CDH4: variants seen among roughly 807,000 people sequenced by gnomAD.
The protein encoded by CDH4 is cadherin 4.
Under a neutral mutation model 86.0 loss-of-function variants are expected in CDH4, and 33 were observed. The observed-to-expected ratio is 0.38, with a 90% CI of 0.29 to 0.51. CDH4 has a LOEUF of 0.51. CDH4 is among the 20% of genes least tolerant of loss of function. The pLI is 0.86. For synonymous variants in CDH4, 555 were observed against 549.4 expected, an observed-to-expected ratio of 1.01 and a Z score of -0.14; for missense variants, 1,114 against 1,307.4, an observed-to-expected ratio of 0.85 and a Z score of 2.28.
intron 2 of CDH4, among the ~76,000 whole-genome samples, chr20:61,398,977 A>G (rs1028412839): frequency 1.3e-5 from 2 of 152,190 alleles, no homozygotes; most frequent in Non-Finnish European, 2.9e-5. Context: ...ATGCTGATGT[A>G]GGTTAAATGC....
At chr20:61,828,223 A>C (rs1981413489) in intron 4 of CDH4, among the ~76,000 whole-genome samples, 1 of 152,204 alleles carries the variant, frequency 6.6e-6, no homozygotes, top group African/African-American at 2.4e-5. Context: ...GACAGTGGCA[A>C]CGAGAGAGAC....
chr20:61,782,611 C>T (rs935067646), intron 4 of CDH4, among the ~76,000 whole-genome samples: 4 of 152,010 alleles, frequency 2.6e-5, no homozygotes, highest in African/African-American at 9.7e-5. Flanking sequence ...ATAAATATGA[C>T]AACAGTAGGA....
intron 2 of CDH4, among the ~76,000 whole-genome samples, chr20:61,600,902 G>C (rs1260837243): frequency 6.6e-6 from 1 of 151,992 alleles, no homozygotes; most frequent in Non-Finnish European, 1.5e-5. Flanking sequence ...AAAGCCAGCT[G>C]TATCTTACCA....
At chr20:61,842,038 G>A (rs1982202681) in intron 4 of CDH4, among the ~76,000 whole-genome samples, 1 of 152,224 alleles carries the variant, frequency 6.6e-6, no homozygotes, top group Admixed American at 6.5e-5. Flanking sequence ...CCATCAGGCT[G>A]AATTCTCTAT....
chr20:61,869,604 C>T (rs1241255319), intron 6 of CDH4, among the ~76,000 whole-genome samples: 2 of 152,228 alleles, frequency 1.3e-5, no homozygotes, highest in Non-Finnish European at 2.9e-5. Context: ...TTTCCAGCCT[C>T]CCGCTGACTT....
intron 2 of CDH4, among the ~76,000 whole-genome samples, chr20:61,665,521 C>A (rs1368607043): frequency 6.6e-6 from 1 of 152,210 alleles, no homozygotes; most frequent in South Asian, 2.1e-4. Context: ...CTGGGTTCTC[C>A]CTTTTCGGAG....
intron 2 of CDH4, among the ~76,000 whole-genome samples, chr20:61,443,763 GTA>G (rs908427345): frequency 2.0e-5 from 3 of 152,068 alleles, no homozygotes; most frequent in African/African-American, 2.4e-5. Flanking sequence ...GCTTGGCTCT[GTA>G]TGTGTGTGTG....
At chr20:61,900,777 C>T (rs1451923258) in intron 8 of CDH4, among the ~76,000 whole-genome samples, 2 of 152,222 alleles carry the variant, frequency 1.3e-5, no homozygotes, top group Non-Finnish European at 2.9e-5. Context: ...TCCCCAGCTT[C>T]AAGCCTGGCT....
chr20:61,830,114 A>G (rs1371196367), intron 4 of CDH4, among the ~76,000 whole-genome samples: 1 of 12,282 alleles, frequency 8.1e-5, no homozygotes, highest in South Asian at 2.4e-3. Context: ...CCCATGCCCC[A>G]CCCCCACACC....
chr20:61,632,587 A>G (rs1045936238), intron 2 of CDH4, among the ~76,000 whole-genome samples: 2 of 150,276 alleles, frequency 1.3e-5, no homozygotes, highest in African/African-American at 4.9e-5. Context: ...GGCAGCCCCC[A>G]CTCTACCCTC....
At position 61,269,524 on chromosome 20, in the gene CDH4, T is replaced by C. The variant is rs1347575131; in HGVS notation, c.169+14587T>C. On this transcript the variant is annotated intron_variant, in intron 2 of 15. Coordinates refer to ENST00000614565, the MANE Select transcript of CDH4 (RefSeq NM_001794.5). This position sits in a 1 kb window ranked among gnomAD's most constrained non-coding sequence, Gnocchi z 5.3. ...GGAAGACCCAGCAGGGTGATCCGTG[T>C]CCCTGTGTATGGAGGCACCAGGCTC... is the stretch of plus-strand genomic sequence containing the variant. 2.0e-5 allele frequency among the ~76,000 whole-genome samples: 3 copies of C among 152,096 alleles called. No homozygotes were observed. Among genetic ancestry groups the C allele is most frequent in the Admixed American group, 6.5e-5 (1 of 15,288 alleles).
At chr20:61,372,055 T>G (rs956988113) in intron 2 of CDH4, among the ~76,000 whole-genome samples, 16 of 152,218 alleles carry the variant, frequency 1.1e-4, no homozygotes, top group Admixed American at 1.0e-3. Context: ...GTGTTTGGAT[T>G]CCATACTTTT....
At chr20:61,280,782 G>A (rs1003104384) in intron 2 of CDH4, among the ~76,000 whole-genome samples, 18 of 152,252 alleles carry the variant, frequency 1.2e-4, no homozygotes, top group Non-Finnish European at 1.0e-4. Context: ...GTGAAGCGCC[G>A]GCCACAGCGG....
At chr20:61,398,811 G>A (rs1600940556) in intron 2 of CDH4, among the ~76,000 whole-genome samples, 1 of 152,198 alleles carries the variant, frequency 6.6e-6, no homozygotes, top group African/African-American at 2.4e-5. Flanking sequence ...GATTGGCCTT[G>A]CGTCAGTCAT....
chr20:61,305,576 CTTT>C (rs1300376308), intron 2 of CDH4, among the ~76,000 whole-genome samples: 1 of 152,232 alleles, frequency 6.6e-6, no homozygotes, highest in Admixed American at 6.5e-5. Flanking sequence ...TCCCTTGATT[CTTT>C]TCAATTCTCT....
intron 4 of CDH4, among the ~76,000 whole-genome samples, chr20:61,777,577 A>C (rs1212699680): frequency 6.6e-6 from 1 of 152,198 alleles, no homozygotes; most frequent in African/African-American, 2.4e-5. Flanking sequence ...GTCATTATGT[A>C]AGAACTCAGT....
At chr20:61,857,116 GCCCTGC>G (rs1234078209) in intron 6 of CDH4, among the ~76,000 whole-genome samples, 1 of 152,234 alleles carries the variant, frequency 6.6e-6, no homozygotes, top group Non-Finnish European at 1.5e-5. Context: ...GGGTCTCACT[GCCCTGC>G]CCCTGCCCCC....
chr20:61,305,096 T>G (rs1190714672), intron 2 of CDH4, among the ~76,000 whole-genome samples: 17 of 152,110 alleles, frequency 1.1e-4, no homozygotes, highest in Non-Finnish European at 2.2e-4. Context: ...GTATGCACTG[T>G]GTGTGTGGTG....
Position 61,897,772 on chromosome 20 carries a change from C to T in CDH4, c.1188+2725C>T, listed in dbSNP as rs115705921. Among the ~76,000 whole-genome samples the T allele has an allele frequency of 9.9e-3, 1,503 of 152,334 alleles. 25 individuals are homozygous for T. Among genetic ancestry groups the T allele is most frequent in the African/African-American group, 0.033 (1,357 of 41,576 alleles). Reference sequence around the variant, plus strand: ...CTCCCAGAGATGGGCCATTGTCCATCCTTGGTTCCAGGGGGCCTCAGGCAG... The same window carrying T: ...CTCCCAGAGATGGGCCATTGTCCATTCTTGGTTCCAGGGGGCCTCAGGCAG... On this transcript the variant is annotated intron_variant, in intron 8 of 15. Coordinates refer to ENST00000614565, the MANE Select transcript of CDH4 (RefSeq NM_001794.5).
Sources: allele counts gnomAD v4.1 joint callset (sites outside exome capture counted in the v4.1 genomes callset), GRCh38; gene constraint gnomAD v4.1.1; non-coding constraint Gnocchi (gnomAD v3.1); transcripts MANE v1.5; gene names NCBI Gene and HGNC (gene_info 2026-07-23, HGNC 2026-07-21).